The following TTC28 variants were observed in gnomAD, a reference collection of about 807,000 sequenced individuals.
The protein encoded by TTC28 is tetratricopeptide repeat protein 28.
In TTC28, 61 loss-of-function variants were observed where a neutral mutation model predicts 198.0. The observed-to-expected ratio is 0.31, with a 90% CI of 0.25 to 0.38. The LOEUF is 0.38. Ranked by LOEUF, TTC28 falls within the 10% of genes least tolerant of loss-of-function variation. The pLI is 1.00. For synonymous variants in TTC28, 1,171 were observed against 1,297.8 expected (o/e 0.90, Z 2.10); for missense variants, 2,678 against 3,164.0 (o/e 0.85, Z 3.69).
chr22:28,644,023 C>A (rs2051412888), intron 1 of TTC28, among the ~76,000 whole-genome samples: 1 of 152,152 alleles, frequency 6.6e-6, no homozygotes, highest in African/African-American at 2.4e-5. Context: ...AGAGGTGATT[C>A]AAACCCTTGT....
intron 2 of TTC28, among the ~76,000 whole-genome samples, chr22:28,308,596 C>T (rs1443385636): frequency 6.6e-6 from 1 of 152,162 alleles, no homozygotes; most frequent in Non-Finnish European, 1.5e-5. Context: ...GATTTACCTA[C>T]TGCTAGGGAG....
At chr22:28,339,176 T>C (rs978552212) in intron 2 of TTC28, among the ~76,000 whole-genome samples, 3 of 152,084 alleles carry the variant, frequency 2.0e-5, no homozygotes, top group African/African-American at 7.2e-5. Flanking sequence ...GCAGTGGAGG[T>C]TGCAGAACAG....
Position 28,529,453 on chromosome 22 carries a change from T to C in TTC28, c.381+100099A>G, listed in dbSNP as rs559726407. ...TCCACCACAGCTCAAAGAGGCCTGC[T>C]TGCCTCTGTAGACTCCACCTTTGAG... On this transcript the variant is annotated intron_variant, in intron 2 of 22. Transcript: ENST00000397906. 6.6e-5 allele frequency among the ~76,000 whole-genome samples: 10 copies of C among 152,256 alleles called. No homozygotes were observed. The South Asian group carries it at 2.1e-3, about 32-fold the overall frequency.
In TTC28 at chr22:28,015,419, T is replaced by TTAAA. The variant is rs765247995; in HGVS notation, c.4074-1028_4074-1027insTTTA. Reference sequence around the variant, plus strand: ...TCATCCTTCCTGTAGGAGATAGCTTTAAAAAAAAAAAAAAAAAAAAAAAGA... The same window carrying TTAAA: ...TCATCCTTCCTGTAGGAGATAGCTTTTAAAAAAAAAAAAAAAAAAAAAAAAAAGA... On this transcript the variant is annotated intron_variant, in intron 13 of 22. Coordinates refer to ENST00000397906, the MANE Select transcript of TTC28 (RefSeq NM_001145418.2). Among the ~76,000 whole-genome samples the TTAAA allele has an allele frequency of 6.4e-5, 7 of 109,686 alleles. No individual in the cohort carries two copies. In the East Asian group the frequency reaches 1.3e-3, roughly 21 times the overall value. The allele number at this position is 109,686 out of a possible 152,430, so 72.0% of individuals were successfully genotyped here.
intron 2 of TTC28, among the ~76,000 whole-genome samples, chr22:28,553,470 C>T (rs1227065279): frequency 7.9e-5 from 12 of 151,424 alleles, no homozygotes; most frequent in South Asian, 2.1e-4. Context: ...CGCCTCTGCC[C>T]GGCCGCAACC....
chr22:28,602,360 T>C (rs2050653379), intron 2 of TTC28, among the ~76,000 whole-genome samples: 1 of 152,108 alleles, frequency 6.6e-6, no homozygotes, highest in East Asian at 1.9e-4. Context: ...ATAAAGGAAG[T>C]GACTGGAGCA....
chr22:28,036,999 A>C (rs1296501095), intron 12 of TTC28, among the ~76,000 whole-genome samples: 1 of 145,544 alleles, frequency 6.9e-6, no homozygotes, highest in African/African-American at 2.5e-5. Context: ...ATAGACCAAT[A>C]GGCTCTGAAA....
At chr22:28,097,442 A>C (rs1292063603) in intron 10 of TTC28, among the ~76,000 whole-genome samples, 3 of 152,194 alleles carry the variant, frequency 2.0e-5, no homozygotes, top group Non-Finnish European at 2.9e-5. Context: ...TTAACCTCTA[A>C]GGTCTCTAGT....
At chr22:28,671,119 T>A (rs898577166) in intron 1 of TTC28, among the ~76,000 whole-genome samples, 7 of 151,920 alleles carry the variant, frequency 4.6e-5, no homozygotes, top group Non-Finnish European at 8.8e-5. Flanking sequence ...TTTTTTCTAT[T>A]TTTTTTGTAG....
chr22:28,132,858 C>T (rs1943090852), intron 6 of TTC28, among the ~76,000 whole-genome samples: 1 of 152,162 alleles, frequency 6.6e-6, no homozygotes, highest in South Asian at 2.1e-4. Context: ...CTCTAAAAGT[C>T]ACAGTTTCCA....
At position 28,506,431 on chromosome 22, in the gene TTC28, G is replaced by A. The variant is rs1027318791; in HGVS notation, c.381+123121C>T. On this transcript the variant is annotated intron_variant, in intron 2 of 22. Coordinates refer to ENST00000397906, the MANE Select transcript of TTC28 (RefSeq NM_001145418.2). ...CTCTCCCTGGGACAGAGCTCCCGGG[G>A]GGAGGGGTGGCTGCCATCTCAGTGG... Among the ~76,000 whole-genome samples, 5 of 152,024 alleles carry A rather than the reference G, an allele frequency of 3.3e-5. No individual in the cohort carries two copies. The East Asian group carries it at 9.6e-4, about 29-fold the overall frequency.
intron 2 of TTC28, among the ~76,000 whole-genome samples, chr22:28,526,807 A>G (rs2049012771): frequency 6.6e-6 from 1 of 151,662 alleles, no homozygotes; most frequent in Non-Finnish European, 1.5e-5. Context: ...CCCAGGTTGG[A>G]GTGCAATGGT....
At chr22:28,628,442 T>C (rs2051113541) in intron 2 of TTC28, among the ~76,000 whole-genome samples, 1 of 152,188 alleles carries the variant, frequency 6.6e-6, no homozygotes, top group African/African-American at 2.4e-5. Flanking sequence ...TAACCCTTTT[T>C]GTGTGTGTTT....
Position 28,215,774 on chromosome 22 carries a change from A to G in TTC28, c.934-52175T>C, listed in dbSNP as rs143115265. 1.3e-4 allele frequency among the ~76,000 whole-genome samples: 20 copies of G among 152,324 alleles called. No individual in the cohort carries two copies. In the East Asian group the frequency reaches 3.1e-3, roughly 23 times the overall value. On this transcript the variant is annotated intron_variant, in intron 5 of 22. Transcript: ENST00000397906. Reference sequence around the variant, plus strand: ...CTTCCTTACTGATCTTATGGTTACTATAACAATCAAATGAAATAAGCATGG... The same window carrying G: ...CTTCCTTACTGATCTTATGGTTACTGTAACAATCAAATGAAATAAGCATGG...
chr22:28,071,589 G>T (rs1448547313), intron 12 of TTC28, among the ~76,000 whole-genome samples: 2 of 149,652 alleles, frequency 1.3e-5, no homozygotes, highest in African/African-American at 4.9e-5. Flanking sequence ...TGGTGGGGTG[G>T]GGGGGAGCGG....
chr22:28,086,889 G>A (rs1011409385), intron 12 of TTC28, among the ~76,000 whole-genome samples: 20 of 151,910 alleles, frequency 1.3e-4, no homozygotes, highest in Non-Finnish European at 2.1e-4. Context: ...ACACCTCTAC[G>A]CAAATAAACT....
At chr22:28,032,495 T>C (rs1939176369) in intron 12 of TTC28, among the ~76,000 whole-genome samples, 1 of 151,808 alleles carries the variant, frequency 6.6e-6, no homozygotes, top group Non-Finnish European at 1.5e-5. Flanking sequence ...GCAGCAGGTA[T>C]GCAACGGGGA....
chr22:27,992,745 C>G, intron 18 of TTC28, 82 bp from the exon 19 acceptor site: 1 of 1,372,520 alleles, frequency 7.3e-7, no homozygotes, highest in South Asian at 1.3e-5. Context: ...GGAAAGAACC[C>G]TAAATCCTTG....
At chr22:28,518,849 T>C (rs2048843431) in intron 2 of TTC28, among the ~76,000 whole-genome samples, 1 of 152,152 alleles carries the variant, frequency 6.6e-6, no homozygotes, top group Non-Finnish European at 1.5e-5. Flanking sequence ...TCCTAGGCCA[T>C]CATTCAGGGA....
Sources: allele counts gnomAD v4.1 joint callset (sites outside exome capture counted in the v4.1 genomes callset), GRCh38; gene constraint gnomAD v4.1.1; transcripts MANE v1.5; gene names NCBI Gene and HGNC (gene_info 2026-07-23, HGNC 2026-07-21).